PARVB: variants seen among roughly 807,000 people sequenced by gnomAD.
PARVB encodes beta-parvin.
In PARVB, 46 loss-of-function variants were observed where a neutral mutation model predicts 47.0. The ratio of observed to expected loss-of-function variants is 0.98; its 90% CI spans 0.77 to 1.25. The LOEUF (loss-of-function observed/expected upper bound fraction) is 1.25, where lower values mean the gene tolerates loss of function less well. Ranked by LOEUF, PARVB falls within the 50% of genes most tolerant of loss-of-function variation. The probability of loss-of-function intolerance (pLI) is 0.00; values close to 1 mark genes in which losing one functional copy is unlikely to be tolerated. For synonymous variants in PARVB, 196 were observed against 196.3 expected (o/e 1.00, Z 0.01); for missense variants, 473 against 471.6 (o/e 1.00, Z -0.03).
intron 1 of PARVB, among the ~76,000 whole-genome samples, chr22:44,027,109 C>T (rs2050743661): frequency 6.6e-6 from 1 of 151,994 alleles, no homozygotes; most frequent in East Asian, 1.9e-4. Context: ...CTGTGACGAA[C>T]TGTGGGCATT....
chr22:44,038,502 C>T lies in PARVB; in HGVS notation c.112+14051C>T, dbSNP rs1021011605. 4.6e-5 allele frequency among the ~76,000 whole-genome samples: 7 copies of T among 152,056 alleles called. 1 individual carries two copies. The highest frequency in any genetic ancestry group is 6.9e-3 in the Middle Eastern group (2 of 290). On this transcript the variant is annotated intron_variant, in intron 1 of 12. Transcript: ENST00000338758. Reference sequence around the variant, plus strand: ...ATGTACTTAAAACTGGACCTGGGGCCGGGCGTGGTGGCTCACACCTGTAAT... The same window carrying T: ...ATGTACTTAAAACTGGACCTGGGGCTGGGCGTGGTGGCTCACACCTGTAAT...
intron 8 of PARVB, chr22:44,146,469 C>G (rs927351055): frequency 1.3e-5 from 2 of 152,420 alleles, no homozygotes; most frequent in Non-Finnish European, 2.9e-5. Flanking sequence ...CACTTTCCTT[C>G]TCTCCTTTCC....
intron 4 of PARVB, among the ~76,000 whole-genome samples, chr22:44,126,510 A>G (rs2053189116): frequency 6.6e-6 from 1 of 152,136 alleles, no homozygotes; most frequent in African/African-American, 2.4e-5. Context: ...GAGCACGTGG[A>G]CCTTTGGCTG....
chr22:44,057,556 C>T (rs1009851763), intron 1 of PARVB, among the ~76,000 whole-genome samples: 1 of 151,666 alleles, frequency 6.6e-6, no homozygotes, highest in Non-Finnish European at 1.5e-5. Flanking sequence ...TATCCGCACT[C>T]TGGGTGGACT....
At position 44,122,488 on chromosome 22, in the gene PARVB, A is replaced by AAGAGAGAGAGAGAG. The variant is rs766162295; in HGVS notation, c.376+3366_376+3379dup. ...GCAACAGAGTGAGACCCTGTCGATC[A>AAGAGAGAGAGAGAG]AGAGAGAGAGAGAGAGAGAGAGAGA... On this transcript the variant is annotated intron_variant, in intron 4 of 12. Coordinates refer to ENST00000338758, the MANE Select transcript of PARVB (RefSeq NM_013327.5). Among the ~76,000 whole-genome samples, 232 of 76,640 alleles carry AAGAGAGAGAGAGAG rather than the reference A, an allele frequency of 3.0e-3. 14 individuals are homozygous for AAGAGAGAGAGAGAG. Among genetic ancestry groups the AAGAGAGAGAGAGAG allele is most frequent in the East Asian group, 0.013 (34 of 2,612 alleles). The allele number at this position is 76,640 out of a possible 152,430, so 50.3% of individuals were successfully genotyped here.
chr22:44,064,029 G>A (rs1209652189), intron 1 of PARVB, among the ~76,000 whole-genome samples: 3 of 152,194 alleles, frequency 2.0e-5, no homozygotes, highest in Non-Finnish European at 4.4e-5. Flanking sequence ...GGTCAGTGGC[G>A]CCTTCACCTG....
chr22:44,159,395 T>G (rs2054004960), intron 11 of PARVB, among the ~76,000 whole-genome samples: 1 of 152,174 alleles, frequency 6.6e-6, no homozygotes, highest in Non-Finnish European at 1.5e-5. Context: ...CTTCTTCCCT[T>G]TGAAACTGGG....
chr22:44,001,934 C>A (rs1002013365), intron 2 of PARVB, among the ~76,000 whole-genome samples: 1 of 152,204 alleles, frequency 6.6e-6, no homozygotes, highest in African/African-American at 2.4e-5. Context: ...TGTTTGAACA[C>A]AGGGTAAAAG....
intron 12 of PARVB, among the ~76,000 whole-genome samples, chr22:44,166,184 A>T (rs1465029252): frequency 6.6e-6 from 1 of 152,100 alleles, no homozygotes; most frequent in Admixed American, 6.5e-5. Context: ...ATCCCAGCTC[A>T]CTGCAATCTC....
chr22:44,021,894 C>G (rs776600639), upstream of PARVB, among the ~76,000 whole-genome samples: 3 of 151,900 alleles, frequency 2.0e-5, no homozygotes, highest in Non-Finnish European at 4.4e-5. Flanking sequence ...GCTGGCAAAC[C>G]CCAGGAGCCT....
At chr22:44,118,922 G>C (rs2052976121) in intron 3 of PARVB, 116 bp from the exon 4 acceptor site, 1 of 732,566 alleles carries the variant, frequency 1.4e-6, no homozygotes, top group Non-Finnish European at 2.5e-6. Context: ...TGTACTTGCT[G>C]TGGTCCCGGT....
intron 1 of PARVB, among the ~76,000 whole-genome samples, chr22:44,067,586 G>A (rs1278103297): frequency 6.6e-6 from 1 of 152,202 alleles, no homozygotes; most frequent in East Asian, 1.9e-4. Context: ...GCTGGCGAGG[G>A]CCTTCCTGTC....
In PARVB at chr22:44,122,588, G is replaced by GAGAGAC. The variant is rs1569134679; in HGVS notation, c.376+3453_376+3454insCAGAGA. Among the ~76,000 whole-genome samples, 74 of 122,504 alleles carry GAGAGAC rather than the reference G, an allele frequency of 6.0e-4. 3 individuals are homozygous for GAGAGAC. The highest frequency in any genetic ancestry group is 1.6e-3 in the South Asian group (6 of 3,782). The allele number at this position is 122,504 out of a possible 152,430, so 80.4% of individuals were successfully genotyped here. On this transcript the variant is annotated intron_variant, in intron 4 of 12. Transcript: ENST00000338758. ...AGAGAGAGAGAGAGAGAGAGAGAGA[G>GAGAGAC]AGAGAGAGAGAGAGAGAGAGAGGTC...
At chr22:44,109,656 G>GCAT (rs1160042574) in intron 3 of PARVB, 1 of 152,208 alleles carries the variant, frequency 6.6e-6, no homozygotes, top group Admixed American at 6.5e-5. Flanking sequence ...ATGGCCTGCT[G>GCAT]CATGGAATTT....
intron 2 of PARVB, among the ~76,000 whole-genome samples, chr22:44,000,975 G>A (rs1027226335): frequency 6.6e-6 from 1 of 152,242 alleles, no homozygotes; most frequent in African/African-American, 2.4e-5. Context: ...TTGGCCAGGT[G>A]CGGTGGCCCA....
rs181408654 is a variant in PARVB at position 44,014,923 on chromosome 22, T to G, written c.211+15250T>G. Among the ~76,000 whole-genome samples the G allele has an allele frequency of 5.0e-3, 753 of 152,068 alleles. 5 individuals carry two copies. Among genetic ancestry groups the G allele is most frequent in the African/African-American group, 0.017 (708 of 41,478 alleles). ...TGGAGTGAAGTGGTGCAATCTCAGC[T>G]CACTGCAACCTCCGCACCCTGGGTT... On this transcript the variant is annotated intron_variant, in intron 2 of 13. Transcript: ENST00000406477.
At chr22:44,110,286 G>A (rs1002041934) in intron 3 of PARVB, 1 of 152,230 alleles carries the variant, frequency 6.6e-6, no homozygotes, top group Admixed American at 6.5e-5. Context: ...CCTGATAAGT[G>A]AAAATGAGAT....
intron 7 of PARVB, 113 bp downstream of exon 7, chr22:44,136,631 A>G: frequency 1.2e-6 from 1 of 809,402 alleles, no homozygotes; most frequent in Non-Finnish European, 2.2e-6. Flanking sequence ...CCCGCTCCAC[A>G]CCCCTTCTCT....
At chr22:44,167,575 G>T (rs942927629) in intron 12 of PARVB, among the ~76,000 whole-genome samples, 1 of 151,996 alleles carries the variant, frequency 6.6e-6, no homozygotes, top group African/African-American at 2.4e-5. Context: ...TGCCCCCCTC[G>T]CCTTGGCCAC....
Sources: allele counts gnomAD v4.1 joint callset (sites outside exome capture counted in the v4.1 genomes callset), GRCh38; gene constraint gnomAD v4.1.1; transcripts MANE v1.5; gene names NCBI Gene and HGNC (gene_info 2026-07-23, HGNC 2026-07-21).